FGD4: variants seen among roughly 807,000 people sequenced by gnomAD.
FGD4 encodes FYVE, RhoGEF and PH domain-containing protein 4.
FGD4 carries 42 observed loss-of-function variants against 102.0 expected under a neutral mutation model. The observed-to-expected ratio is 0.41, with a 90% CI of 0.32 to 0.53. The LOEUF is 0.53. Among genes scored for constraint, FGD4 ranks in the 20% least tolerant of loss-of-function variants. The probability of loss-of-function intolerance (pLI) is 0.21; values close to 1 mark genes in which losing one functional copy is unlikely to be tolerated. For missense variants in FGD4, 902 were observed against 1,078.2 expected, an observed-to-expected ratio of 0.84 and a Z score of 2.29; for synonymous variants, 380 against 375.7, an observed-to-expected ratio of 1.01 and a Z score of -0.13.
chr12:32,477,711 C>T (rs938454985), intron 1 of FGD4, among the ~76,000 whole-genome samples: 9 of 152,196 alleles, frequency 5.9e-5, no homozygotes, highest in Non-Finnish European at 8.8e-5. Context: ...ACACTCCCCT[C>T]CTCAAAATAG....
At chr12:32,576,852 G>C (rs1455035977) in intron 3 of FGD4, among the ~76,000 whole-genome samples, 1 of 152,078 alleles carries the variant, frequency 6.6e-6, no homozygotes, top group Non-Finnish European at 1.5e-5. Flanking sequence ...GTATGTTTGT[G>C]AATGTGACCC....
intron 1 of FGD4, among the ~76,000 whole-genome samples, chr12:32,531,802 G>A (rs1273148950): frequency 6.6e-6 from 1 of 152,190 alleles, no homozygotes; most frequent in African/African-American, 2.4e-5. Context: ...TGGCTCATAG[G>A]ATAAGTGCAT....
chr12:32,415,974 C>T (rs973802389), intron 1 of FGD4, among the ~76,000 whole-genome samples: 1 of 151,326 alleles, frequency 6.6e-6, no homozygotes, highest in Non-Finnish European at 1.5e-5. Flanking sequence ...TTTTAGGCAA[C>T]AGCTCATTGG....
chr12:32,608,147 A>G (rs1948908243), intron 8 of FGD4, 52 bp downstream of exon 8: 2 of 1,608,294 alleles, frequency 1.2e-6, no homozygotes, highest in African/African-American at 1.3e-5. Context: ...CAAGTGGCCA[A>G]GCAGCCTTAT....
intron 1 of FGD4, among the ~76,000 whole-genome samples, chr12:32,433,769 T>A (rs1942131643): frequency 6.6e-6 from 1 of 152,222 alleles, no homozygotes; most frequent in Non-Finnish European, 1.5e-5. Context: ...ATCTTTAAAA[T>A]TTTGTATCAT....
At chr12:32,517,680 C>A (rs950591319) in intron 1 of FGD4, among the ~76,000 whole-genome samples, 1 of 152,050 alleles carries the variant, frequency 6.6e-6, no homozygotes, top group African/African-American at 2.4e-5. Flanking sequence ...ATTGCTTGAG[C>A]CCAGGAGTTT....
At chr12:32,548,002 G>C (rs1943365692) in intron 1 of FGD4, among the ~76,000 whole-genome samples, 1 of 152,044 alleles carries the variant, frequency 6.6e-6, no homozygotes, top group South Asian at 2.1e-4. Flanking sequence ...CACTGCACCC[G>C]GCCTCAAGTT....
intron 4 of FGD4, among the ~76,000 whole-genome samples, chr12:32,593,432 T>C (rs1947640181): frequency 6.6e-6 from 1 of 152,210 alleles, no homozygotes. Flanking sequence ...TGCTTATCCT[T>C]GTGTTGGCTT....
intron 1 of FGD4, among the ~76,000 whole-genome samples, chr12:32,535,308 A>G (rs1942152033): frequency 6.6e-6 from 1 of 152,202 alleles, no homozygotes; most frequent in South Asian, 2.1e-4. Context: ...GGCAGCCTTC[A>G]CAGTTACCAG....
intron 1 of FGD4, among the ~76,000 whole-genome samples, chr12:32,439,219 A>G (rs1942344766): frequency 6.6e-6 from 1 of 152,356 alleles, no homozygotes; most frequent in South Asian, 2.1e-4. Context: ...GAGATCATGC[A>G]GTATTTGTCA....
intron 8 of FGD4, among the ~76,000 whole-genome samples, chr12:32,609,657 A>C (rs1949017813): frequency 6.6e-6 from 1 of 151,146 alleles, no homozygotes; most frequent in East Asian, 1.9e-4. Context: ...TTCCATTGCT[A>C]CTTTCACTCA....
chr12:32,631,807 A>G (rs1047017885), intron 14 of FGD4, among the ~76,000 whole-genome samples: 2 of 152,084 alleles, frequency 1.3e-5, no homozygotes, highest in Non-Finnish European at 2.9e-5. Flanking sequence ...TCTGGCCCAA[A>G]CAGCTTTTTT....
chr12:32,480,310 T>C (rs1319271630), intron 1 of FGD4, among the ~76,000 whole-genome samples: 13 of 151,488 alleles, frequency 8.6e-5, no homozygotes, highest in African/African-American at 2.4e-4. Flanking sequence ...TACAGGTACG[T>C]GCCACCATGC....
rs564878104 is a variant in FGD4 at position 32,405,586 on chromosome 12, A to G, written c.166+5627A>G. 2.6e-5 allele frequency among the ~76,000 whole-genome samples: 4 copies of G among 152,250 alleles called. No homozygotes were observed. In the East Asian group the frequency reaches 7.7e-4, roughly 29 times the overall value. ...GTCAGTGGTCTTTTAATGAATAGCC[A>G]TGTAAACTTGTGGACCTAAGAGCAT... On this transcript the variant is annotated intron_variant, in intron 1 of 16. Transcript: ENST00000534526.
intron 1 of FGD4, among the ~76,000 whole-genome samples, chr12:32,560,529 T>A (rs1465437906): frequency 1.3e-5 from 2 of 152,208 alleles, no homozygotes; most frequent in Admixed American, 6.5e-5. Context: ...GTGTTGAGAT[T>A]ACGTGAGCCA....
At chr12:32,554,897 T>C (rs1028376484) in intron 1 of FGD4, among the ~76,000 whole-genome samples, 2 of 152,230 alleles carry the variant, frequency 1.3e-5, no homozygotes, top group African/African-American at 4.8e-5. Flanking sequence ...AAAGTGGTAA[T>C]GGGGCTAAGG....
Position 32,596,791 on chromosome 12 carries a change from C to T in FGD4, c.1012-1706C>T, listed in dbSNP as rs139665850. On this transcript the variant is annotated intron_variant, in intron 4 of 16. Coordinates refer to ENST00000534526, the MANE Select transcript of FGD4 (RefSeq NM_001370298.3). ...TCTCTGCTAAAAATACAAAATTAGC[C>T]GGCCGTCGTGGTGCATGCCTGTAAT... Among the ~76,000 whole-genome samples, 796 of 151,762 alleles carry T rather than the reference C, an allele frequency of 5.2e-3. 6 individuals are homozygous for T. Among genetic ancestry groups the T allele is most frequent in the African/African-American group, 0.017 (712 of 41,412 alleles).
intron 1 of FGD4, among the ~76,000 whole-genome samples, chr12:32,493,195 T>C (rs1324758454): frequency 6.6e-6 from 1 of 152,184 alleles, no homozygotes; most frequent in Non-Finnish European, 1.5e-5. Flanking sequence ...AGCAGAGAAA[T>C]AGGGAGATAC....
At chr12:32,481,910 C>T (rs1943777390) in intron 1 of FGD4, among the ~76,000 whole-genome samples, 1 of 151,960 alleles carries the variant, frequency 6.6e-6, no homozygotes, top group South Asian at 2.1e-4. Flanking sequence ...ATGTGGCCAC[C>T]TTATTATATA....
Sources: allele counts gnomAD v4.1 joint callset (sites outside exome capture counted in the v4.1 genomes callset), GRCh38; gene constraint gnomAD v4.1.1; transcripts MANE v1.5; gene names NCBI Gene and HGNC (gene_info 2026-07-23, HGNC 2026-07-21).